The following CADM1 variants were observed in gnomAD, a reference collection of about 807,000 sequenced individuals.
CADM1 encodes cell adhesion molecule 1, also known as TSLC-1.
Under a neutral mutation model 53.1 loss-of-function variants are expected in CADM1, and 15 were observed. That is an observed-to-expected ratio of 0.28 (90% CI 0.19 to 0.44). The LOEUF is 0.44. Among genes scored for constraint, CADM1 ranks in the 20% least tolerant of loss-of-function variants. CADM1 has a pLI of 1.00. For missense variants in CADM1, 434 were observed against 611.3 expected, an observed-to-expected ratio of 0.71 and a Z score of 3.06; for synonymous variants, 281 against 243.0, an observed-to-expected ratio of 1.16 and a Z score of -1.45.
chr11:115,178,310 T>C (rs1474563702), intron 11 of CADM1, among the ~76,000 whole-genome samples: 1 of 152,236 alleles, frequency 6.6e-6, no homozygotes, highest in South Asian at 2.1e-4. Flanking sequence ...CTTTGCGGCT[T>C]CATGCCACAC....
At chr11:115,209,744 G>C (rs1240445689) in intron 7 of CADM1, 87 bp from the exon 8 acceptor site, 2 of 1,515,114 alleles carry the variant, frequency 1.3e-6, no homozygotes, top group East Asian at 4.5e-5. Flanking sequence ...TGAGGACATT[G>C]AGATGTTTGT....
At chr11:115,332,433 C>G in intron 1 of CADM1, among the ~76,000 whole-genome samples, 1 of 152,074 alleles carries the variant, frequency 6.6e-6, no homozygotes, top group East Asian at 1.9e-4. Context: ...TAAAGAACTA[C>G]GAGATCTGGG....
intron 1 of CADM1, among the ~76,000 whole-genome samples, chr11:115,471,534 G>T (rs1949010270): frequency 6.6e-6 from 1 of 152,156 alleles, no homozygotes; most frequent in African/African-American, 2.4e-5. Context: ...TGTGAATCTG[G>T]GTTTACACAG....
intron 1 of CADM1, among the ~76,000 whole-genome samples, chr11:115,407,907 G>T (rs932955750): frequency 2.6e-5 from 2 of 76,296 alleles, no homozygotes; most frequent in African/African-American, 1.1e-4. Context: ...AAAAAAAAAA[G>T]GCAGAGTTGA....
At chr11:115,190,562 C>T (rs1939797116) in intron 10 of CADM1, 1 of 224,240 alleles carries the variant, frequency 4.5e-6, no homozygotes, top group Admixed American at 5.3e-5. Flanking sequence ...TGTAATACAA[C>T]AAAATTTCTC....
chr11:115,190,704 G>A (rs922719624), intron 10 of CADM1, 184 bp downstream of exon 10: 23 of 554,366 alleles, frequency 4.1e-5, no homozygotes, highest in Admixed American at 1.9e-4. Flanking sequence ...TATAAATATC[G>A]CTACCACAGA....
chr11:115,449,241 CT>C (rs1473675652), intron 1 of CADM1, among the ~76,000 whole-genome samples: 3 of 152,150 alleles, frequency 2.0e-5, no homozygotes, highest in Non-Finnish European at 2.9e-5. Flanking sequence ...TATCCCATGC[CT>C]TTTTCAACCT....
At chr11:115,280,622 G>C (rs1362507076) in intron 1 of CADM1, among the ~76,000 whole-genome samples, 3 of 152,188 alleles carry the variant, frequency 2.0e-5, no homozygotes, top group African/African-American at 4.8e-5. Context: ...TACACAGAGA[G>C]TTATTCACAT....
chr11:115,402,523 AAAAAC>A lies in CADM1; in HGVS notation c.124+101743_124+101747del, dbSNP rs572324634. Among the ~76,000 whole-genome samples, 15 of 152,306 alleles carry A rather than the reference AAAAAC, an allele frequency of 9.8e-5. No individual in the cohort carries two copies. In the East Asian group the frequency reaches 1.9e-3, roughly 20 times the overall value. ...GGGCGATAGAGTGAGACTCTGTCTCAAAAACAAAACAAAACAAAACAAAACAAAAA... is the reference window on the plus strand; with the variant it reads ...GGGCGATAGAGTGAGACTCTGTCTCAAAAACAAAACAAAACAAAACAAAAA... On this transcript the variant is annotated intron_variant, in intron 1 of 11. Transcript: ENST00000331581.
At chr11:115,368,385 A>T (rs1215599684) in intron 1 of CADM1, among the ~76,000 whole-genome samples, 3 of 152,088 alleles carry the variant, frequency 2.0e-5, no homozygotes, top group African/African-American at 7.2e-5. Context: ...AAATTACTAA[A>T]TTTGTGTTAA....
At chr11:115,178,507 TC>T in intron 11 of CADM1, 136 bp downstream of exon 11, 1 of 672,392 alleles carries the variant, frequency 1.5e-6, no homozygotes, top group Non-Finnish European at 2.7e-6. Context: ...TTTTCTCTTC[TC>T]TCTCTTCCAG....
chr11:115,352,785 T>C (rs754967016), intron 1 of CADM1, among the ~76,000 whole-genome samples: 7 of 152,158 alleles, frequency 4.6e-5, no homozygotes, highest in Non-Finnish European at 8.8e-5. Flanking sequence ...ATTATTATTA[T>C]CCCCATCTTG....
intron 1 of CADM1, among the ~76,000 whole-genome samples, chr11:115,480,870 C>T (rs1200119595): frequency 6.6e-6 from 1 of 152,050 alleles, no homozygotes; most frequent in African/African-American, 2.4e-5. Flanking sequence ...CTTCTTAAAG[C>T]CTTGCCCATT....
intron 1 of CADM1, among the ~76,000 whole-genome samples, chr11:115,331,070 A>G (rs1945117149): frequency 6.6e-6 from 1 of 152,206 alleles, no homozygotes; most frequent in Non-Finnish European, 1.5e-5. Context: ...TCTGATTTCA[A>G]CTACAGGAAA....
chr11:115,412,371 A>T (rs886439247), intron 1 of CADM1, among the ~76,000 whole-genome samples: 1 of 151,948 alleles, frequency 6.6e-6, no homozygotes, highest in Non-Finnish European at 1.5e-5. Context: ...ATTTTTTAAA[A>T]TTTTTTTAGA....
At chr11:115,296,367 T>A (rs957274029) in intron 1 of CADM1, among the ~76,000 whole-genome samples, 4 of 152,058 alleles carry the variant, frequency 2.6e-5, no homozygotes, top group African/African-American at 9.7e-5. Flanking sequence ...CCCAGTGTGG[T>A]GGGTTTGGGA....
intron 1 of CADM1, among the ~76,000 whole-genome samples, chr11:115,384,263 A>C (rs956583180): frequency 1.3e-5 from 2 of 152,160 alleles, no homozygotes; most frequent in African/African-American, 4.8e-5. Flanking sequence ...TGCTCTTTTA[A>C]AGTGTCTGCC....
intron 1 of CADM1, among the ~76,000 whole-genome samples, chr11:115,342,600 C>G (rs1208946565): frequency 6.6e-6 from 1 of 152,162 alleles, no homozygotes; most frequent in Admixed American, 6.6e-5. Context: ...CTTCATCTAT[C>G]AAAACACTAT....
chr11:115,262,975 G>A (rs1220166150), intron 1 of CADM1, among the ~76,000 whole-genome samples: 1 of 152,242 alleles, frequency 6.6e-6, no homozygotes, highest in Non-Finnish European at 1.5e-5. Flanking sequence ...AACACTGCAT[G>A]ATTGTGACAG....
Sources: gnomAD v4.1 joint callset for allele counts (sites outside exome capture counted in the v4.1 genomes callset) on GRCh38, gnomAD v4.1.1 for gene constraint, MANE v1.5 for transcripts, NCBI Gene and HGNC (gene_info 2026-07-23, HGNC 2026-07-21) for gene names.